Variants in CDH18 observed in about 807,000 individuals in gnomAD.
The protein encoded by CDH18 is cadherin-18.
Under a neutral mutation model 67.9 loss-of-function variants are expected in CDH18, and 31 were observed. The ratio of observed to expected loss-of-function variants is 0.46; its 90% CI spans 0.34 to 0.62. The LOEUF is 0.62. Ranked by LOEUF, CDH18 falls within the 20% of genes least tolerant of loss-of-function variation. The pLI, the probability that CDH18 is intolerant of heterozygous loss-of-function variation, is 0.01. For synonymous variants in CDH18, 362 were observed against 347.2 expected (o/e 1.04, Z -0.48); for missense variants, 890 against 975.5 (o/e 0.91, Z 1.17).
intron 1 of CDH18, among the ~76,000 whole-genome samples, chr5:20,292,943 G>T (rs1425129492): frequency 6.6e-6 from 1 of 152,082 alleles, no homozygotes; most frequent in East Asian, 1.9e-4. Context: ...TCATTCACAG[G>T]TACTAGGGGT....
rs189195139 is a variant in CDH18, at chr5:20,558,038, A to C, written c.-580+17424T>G. 6.6e-4 allele frequency among the ~76,000 whole-genome samples: 95 copies of C among 143,376 alleles called. 2 individuals are homozygous for C. Among genetic ancestry groups the C allele is most frequent in the South Asian group, 5.3e-3 (25 of 4,688 alleles). The allele number at this position is 143,376 out of a possible 152,430, so 94.1% of individuals were successfully genotyped here. On this transcript the variant is annotated intron_variant, in intron 1 of 14. Transcript: ENST00000507958. ...TAACATTAAATGTTATAGTTATATAACATTAATTGTTATATAACAATCTGA... is the reference window on the plus strand; with the variant it reads ...TAACATTAAATGTTATAGTTATATACCATTAATTGTTATATAACAATCTGA...
At chr5:19,565,121 C>A (rs1433200860) in intron 8 of CDH18, among the ~76,000 whole-genome samples, 1 of 152,046 alleles carries the variant, frequency 6.6e-6, no homozygotes, top group Admixed American at 6.6e-5. Flanking sequence ...ACATGAGAGG[C>A]AACATCGAGG....
rs58434622 is a variant in CDH18 at position 19,983,033 on chromosome 5, GAA to G, written c.-375-1857_-375-1856del. ...GGGCGACAGAGCAAGACTCCATCTC[GAA>G]AAAAAAAAAAAAAAAGCCAAAATTA... On this transcript the variant is annotated intron_variant, in intron 1 of 12. Transcript: ENST00000382275. Among the ~76,000 whole-genome samples, 512 of 100,316 alleles carry G rather than the reference GAA, an allele frequency of 5.1e-3. 6 individuals are homozygous for G. Among genetic ancestry groups the G allele is most frequent in the East Asian group, 7.9e-3 (30 of 3,808 alleles). 65.8% of individuals were successfully genotyped at this position (100,316 alleles called of 152,430 possible).
chr5:19,601,007 T>C (rs1747040544), intron 6 of CDH18, among the ~76,000 whole-genome samples: 1 of 152,124 alleles, frequency 6.6e-6, no homozygotes, highest in South Asian at 2.1e-4. Flanking sequence ...CTAGGTGAAA[T>C]AAACTTATAA....
intron 8 of CDH18, among the ~76,000 whole-genome samples, chr5:19,563,808 T>C (rs559478642): frequency 1.3e-5 from 2 of 152,228 alleles, no homozygotes; most frequent in East Asian, 3.9e-4. Context: ...TATTAATGAA[T>C]GGGGCACTGA....
intron 7 of CDH18, among the ~76,000 whole-genome samples, chr5:19,576,058 A>C (rs1742259719): frequency 6.6e-6 from 1 of 152,164 alleles, no homozygotes; most frequent in South Asian, 2.1e-4. Context: ...GCAGAGCTAC[A>C]GACTCAGAGA....
intron 2 of CDH18, among the ~76,000 whole-genome samples, chr5:20,162,817 G>C (rs1277028575): frequency 3.3e-5 from 5 of 152,028 alleles, no homozygotes; most frequent in Middle Eastern, 3.4e-3. Flanking sequence ...CCAGAACTTT[G>C]GGAGGCCAAG....
chr5:20,418,294 C>T (rs1747520127), intron 1 of CDH18, among the ~76,000 whole-genome samples: 1 of 119,898 alleles, frequency 8.3e-6, no homozygotes, highest in Non-Finnish European at 1.6e-5. Flanking sequence ...GGGGTTTCCT[C>T]ATGTTGGACA....
intron 3 of CDH18, among the ~76,000 whole-genome samples, chr5:19,785,036 T>C (rs1775549361): frequency 6.6e-6 from 1 of 152,202 alleles, no homozygotes; most frequent in African/African-American, 2.4e-5. Flanking sequence ...CATGCCTTTC[T>C]TCTTCCTCTC....
intron 2 of CDH18, among the ~76,000 whole-genome samples, chr5:20,229,881 A>T (rs1391489267): frequency 6.6e-6 from 1 of 152,052 alleles, no homozygotes; most frequent in Admixed American, 6.6e-5. Context: ...TAATAATATG[A>T]TTACAGTGTT....
At chr5:20,512,739 C>T (rs1386687292) in intron 1 of CDH18, among the ~76,000 whole-genome samples, 1 of 151,880 alleles carries the variant, frequency 6.6e-6, no homozygotes, top group African/African-American at 2.4e-5. Flanking sequence ...CAAAAATTTG[C>T]CAGGTGTGGT....
At chr5:20,239,261 C>A (rs1421610623) in intron 2 of CDH18, among the ~76,000 whole-genome samples, 1 of 152,062 alleles carries the variant, frequency 6.6e-6, no homozygotes, top group Non-Finnish European at 1.5e-5. Flanking sequence ...TCAAGACCAG[C>A]CTGGGCAACA....
chr5:19,873,167 T>G (rs1296895894), intron 2 of CDH18, among the ~76,000 whole-genome samples: 1 of 150,058 alleles, frequency 6.7e-6, no homozygotes, highest in South Asian at 2.1e-4. Context: ...TGTATATGGA[T>G]GCAGAGGACT....
At chr5:20,453,783 T>C (rs1404527812) in intron 1 of CDH18, among the ~76,000 whole-genome samples, 1 of 152,056 alleles carries the variant, frequency 6.6e-6, no homozygotes, top group Non-Finnish European at 1.5e-5. Flanking sequence ...AGCAAACCAG[T>C]ATCTTCTTCA....
At chr5:19,875,479 T>C (rs894943754) in intron 2 of CDH18, among the ~76,000 whole-genome samples, 4 of 151,988 alleles carry the variant, frequency 2.6e-5, no homozygotes, top group Non-Finnish European at 4.4e-5. Context: ...TAGATAGATA[T>C]ACATATAGAT....
rs70950076 is a variant in CDH18, at chr5:19,593,709, T to TCCTCCTCCTCCTCCTTCTTCC, written c.812-2466_812-2465insGGAAGAAGGAGGAGGAGGAGG. ...CTTCTCTTCCTCTTCCTCCTCCTCCTTCTTCTTCTTCTTCTTCTTCTTCTT... is the reference window on the plus strand; with the variant it reads ...CTTCTCTTCCTCTTCCTCCTCCTCCTCCTCCTCCTCCTCCTTCTTCCTCTTCTTCTTCTTCTTCTTCTTCTT... On this transcript the variant is annotated intron_variant, in intron 6 of 12. Coordinates refer to ENST00000382275, the MANE Select transcript of CDH18 (RefSeq NM_004934.5). Among the ~76,000 whole-genome samples the TCCTCCTCCTCCTCCTTCTTCC allele has an allele frequency of 4.9e-3, 545 of 111,216 alleles. 22 individuals are homozygous for TCCTCCTCCTCCTCCTTCTTCC. Among genetic ancestry groups the TCCTCCTCCTCCTCCTTCTTCC allele is most frequent in the Non-Finnish European group, 7.2e-3 (420 of 58,290 alleles). 73.0% of individuals were successfully genotyped at this position (111,216 alleles called of 152,430 possible). A position where few individuals can be genotyped will look rare whatever the true frequency, so the allele number is the denominator to read the frequency against.
intron 2 of CDH18, among the ~76,000 whole-genome samples, chr5:20,183,190 T>C (rs1561858002): frequency 2.3e-5 from 3 of 131,138 alleles, no homozygotes; most frequent in Non-Finnish European, 3.4e-5. Flanking sequence ...ATTCTAAGTG[T>C]TAGCTATCAT....
intron 2 of CDH18, among the ~76,000 whole-genome samples, chr5:19,867,128 C>T (rs1785640432): frequency 6.6e-6 from 1 of 152,070 alleles, no homozygotes; most frequent in Non-Finnish European, 1.5e-5. Context: ...AGCCAACACC[C>T]ACTCACCTCC....
intron 1 of CDH18, among the ~76,000 whole-genome samples, chr5:20,288,757 G>A (rs141532202): frequency 0.011 from 1,709 of 151,736 alleles, 33 homozygotes; most frequent in African/African-American, 0.039. Flanking sequence ...ACACACACAC[G>A]TAACATGCAC....
Sources: allele counts gnomAD v4.1 joint callset (sites outside exome capture counted in the v4.1 genomes callset), GRCh38; gene constraint gnomAD v4.1.1; transcripts MANE v1.5; gene names NCBI Gene and HGNC (gene_info 2026-07-23, HGNC 2026-07-21).